The following FAM186A variants were observed in gnomAD, a reference collection of about 807,000 sequenced individuals.
The protein encoded by FAM186A is protein FAM186A.
A neutral mutation model predicts 216.8 loss-of-function variants in FAM186A; 163 were observed. The observed-to-expected ratio is 0.75, with a 90% CI of 0.66 to 0.86. FAM186A has a LOEUF of 0.86. Among genes scored for constraint, FAM186A ranks in the 40% least tolerant of loss-of-function variants. The pLI is 0.00. For synonymous variants in FAM186A, 805 were observed against 1,025.3 expected (o/e 0.79, Z 4.10); for missense variants, 2,184 against 2,746.2 (o/e 0.80, Z 4.58).
intron 3 of FAM186A, among the ~76,000 whole-genome samples, chr12:50,358,580 CAAAAA>C (rs1263456610): frequency 6.7e-6 from 1 of 150,338 alleles, no homozygotes; most frequent in Non-Finnish European, 1.5e-5. Flanking sequence ...AAAATCCTGT[CAAAAA>C]CAAAACAAAA....
At chr12:50,393,528 C>T (rs1237238290) in intron 1 of FAM186A, among the ~76,000 whole-genome samples, 1 of 148,902 alleles carries the variant, frequency 6.7e-6, no homozygotes, top group African/African-American at 2.5e-5. Flanking sequence ...GGTGTCAGAG[C>T]GAGACTCCAT....
chr12:50,350,638 T>TA lies in FAM186A; in HGVS notation c.6193dup (p.Tyr2065LeufsTer37). On this transcript the variant is annotated frameshift_variant, in exon 4 of 8. Transcript: ENST00000327337. LOFTEE classifies it high-confidence loss of function. ...TATAGGAGGGAATCGGGATTTCTGG[T>TA]ACCATTCCAAAGGTGAAATCTGTGA... 1 of 1,551,644 alleles carries TA rather than the reference T, an allele frequency of 6.4e-7. No homozygotes were observed. Among genetic ancestry groups the TA allele is most frequent in the Non-Finnish European group, 8.7e-7 (1 of 1,146,970 alleles).
chr12:50,339,533 C>T (rs1029540050), intron 4 of FAM186A, among the ~76,000 whole-genome samples: 2 of 152,142 alleles, frequency 1.3e-5, no homozygotes, highest in African/African-American at 4.8e-5. Context: ...CTTTACTCTT[C>T]TTAAATCTGT....
At chr12:50,373,021 AAGAAAGAAAG>A (rs1246269333) in intron 1 of FAM186A, among the ~76,000 whole-genome samples, 3 of 144,618 alleles carry the variant, frequency 2.1e-5, no homozygotes, top group African/African-American at 5.1e-5. Flanking sequence ...GAAAGAAAGA[AAGAAAGAAAG>A]AAAGAAAGAA....
chr12:50,372,075 G>A (rs920450234), intron 1 of FAM186A, among the ~76,000 whole-genome samples: 1 of 151,976 alleles, frequency 6.6e-6, no homozygotes, highest in African/African-American at 2.4e-5. Context: ...GCCTCCCAAA[G>A]TGCTGGGATT....
intron 1 of FAM186A, among the ~76,000 whole-genome samples, chr12:50,367,955 G>C (rs1943106364): frequency 6.6e-6 from 1 of 152,264 alleles, no homozygotes; most frequent in Admixed American, 6.5e-5. Flanking sequence ...AGACCAGCCT[G>C]GCCAACATGG....
chr12:50,351,745 G>A lies in FAM186A; in HGVS notation c.5087C>T (p.Ala1696Val). ...GGTGAGGGGCGATCCCAAGGTATGG[G>A]CTTTATCTAAGGTGAGAGGAACCCC... Reference protein sequence around the residue: ...KLGVPLTLDKAHTLGSPLTLK... With the variant: ...KLGVPLTLDKVHTLGSPLTLK... Residue 1696 changes from alanine (A) to valine (V), a missense_variant, in exon 4 of 8, where the codon GCC becomes GTC. Transcript: ENST00000327337. 1 of 1,551,438 alleles carries A rather than the reference G, an allele frequency of 6.4e-7. No individual in the cohort carries two copies. Among genetic ancestry groups the A allele is most frequent in the Non-Finnish European group, 8.7e-7 (1 of 1,146,836 alleles).
intron 1 of FAM186A, among the ~76,000 whole-genome samples, chr12:50,386,986 A>G (rs1291638104): frequency 1.3e-5 from 2 of 152,084 alleles, no homozygotes; most frequent in Non-Finnish European, 2.9e-5. Flanking sequence ...ACAGTTATCA[A>G]CTTATTAACA....
At chr12:50,348,825 T>A (rs1942847198) in intron 4 of FAM186A, among the ~76,000 whole-genome samples, 1 of 152,156 alleles carries the variant, frequency 6.6e-6, no homozygotes, top group Non-Finnish European at 1.5e-5. Flanking sequence ...CAAAGTACTG[T>A]GATTACAGAT....
In FAM186A at chr12:50,354,711, T is replaced by G; in HGVS notation, c.2121A>C (p.Glu707Asp). ...PKEEELLKRAEAEKLGIIKAK... is the reference protein window; with the variant it reads ...PKEEELLKRADAEKLGIIKAK... ...CCTTTATGATTCCTAATTTTTCAGC[T>G]TCTGCTCTTTTTAATAACTCCTCTT... The change falls in exon 4 of 8, where the codon GAA (glutamate) becomes GAC (aspartate). Residue 707 changes from glutamate to aspartate, a missense_variant. Glu to Asp is a conservative substitution (Grantham distance 45). Coordinates refer to ENST00000327337, the MANE Select transcript of FAM186A (RefSeq NM_001145475.3). The G allele has an allele frequency of 6.5e-7, 1 of 1,548,890 alleles. No individual in the cohort carries two copies. Among genetic ancestry groups the G allele is most frequent in the Non-Finnish European group, 8.7e-7 (1 of 1,146,580 alleles).
intron 4 of FAM186A, among the ~76,000 whole-genome samples, chr12:50,347,824 T>G (rs916756535): frequency 1.3e-5 from 2 of 152,138 alleles, no homozygotes; most frequent in African/African-American, 4.8e-5. Flanking sequence ...GCCTGCTGCC[T>G]CCAGGTCACC....
Position 50,353,852 on chromosome 12 carries a change from G to T in FAM186A, c.2980C>A (p.Gln994Lys). Residue 994 changes from glutamine (Q) to lysine (K), a missense_variant, in exon 4 of 8, where the codon CAA (glutamine) becomes AAA (lysine). This residue lies in a region of FAM186A where 1,132 missense variants were observed against 1,263.4 expected (regional missense o/e 0.90). Transcript: ENST00000327337. ...ACCATTTTTTCTAGCTCTTTAGGTT[G>T]TGTTTCCTTCATCTGCATCTGATCC... ...TKDQMQMKET[Q>K]PKELEKMVIQ... The T allele has an allele frequency of 6.4e-7, 1 of 1,551,684 alleles. No homozygotes were observed. The highest frequency in any genetic ancestry group is 8.7e-7 in the Non-Finnish European group (1 of 1,146,978).
At position 50,330,753 on chromosome 12, in the gene FAM186A, T is replaced by A; in HGVS notation, c.6854A>T (p.Gln2285Leu). 6.6e-7 allele frequency: 1 copy of A among 1,516,218 alleles called. No homozygotes were observed. Among genetic ancestry groups the A allele is most frequent in the African/African-American group, 1.4e-5 (1 of 70,878 alleles). The allele number at this position is 1,516,218 out of a possible 1,614,324, so 93.9% of individuals were successfully genotyped here. Residue 2285 changes from glutamine to leucine, a missense_variant, in exon 7 of 8, where the codon CAA (glutamine) becomes CTA (leucine). Coordinates refer to ENST00000327337, the MANE Select transcript of FAM186A (RefSeq NM_001145475.3). Reference protein sequence around the residue: ...TSDICKKFRQQEDQTEAIWNV... With the variant: ...TSDICKKFRQLEDQTEAIWNV... ...CCAGATGGCCTCTGTCTGGTCCTCT[T>A]GTTGCCTACAGAATCAGCATAAATT...
At chr12:50,381,548 A>G (rs538846567) in intron 1 of FAM186A, among the ~76,000 whole-genome samples, 8 of 152,276 alleles carry the variant, frequency 5.3e-5, no homozygotes, top group African/African-American at 1.9e-4. Context: ...TGTCTCAAAA[A>G]AAAATTGATT....
In FAM186A at chr12:50,363,151, C is replaced by T; in HGVS notation, c.406G>A (p.Glu136Lys). Residue 136 changes from glutamate (E) to lysine (K), a missense_variant, in exon 2 of 8, where the codon GAA becomes AAA. This residue lies in a region of FAM186A where 1,132 missense variants were observed against 1,263.4 expected (regional missense o/e 0.90). Coordinates refer to ENST00000327337, the MANE Select transcript of FAM186A (RefSeq NM_001145475.3). ...TLANILAWLE[E>K]WNDVLSEMTL... ...ACCGCTTCTGTAAACTTACTCCATTCTTCCAACCAGGCCAGAATGTTGGCA... is the reference window on the plus strand; with the variant it reads ...ACCGCTTCTGTAAACTTACTCCATTTTTCCAACCAGGCCAGAATGTTGGCA... The T allele has an allele frequency of 6.5e-7, 1 of 1,546,050 alleles. No homozygotes were observed. The highest frequency in any genetic ancestry group is 1.2e-5 in the South Asian group (1 of 83,158).
At position 50,327,325 on chromosome 12, in the gene FAM186A, G is replaced by A. The variant is rs1942615125; in HGVS notation, c.*58C>T. On this transcript the variant is annotated 3_prime_UTR_variant, in exon 8 of 8. Transcript: ENST00000327337. The stretch of plus-strand genomic sequence containing the variant: ...ATACGCATGAAAGAGAACAAAATAG[G>A]CATTTTACTGAAAGATACTGAAATG... 7.3e-7 allele frequency: 1 copy of A among 1,361,856 alleles called. No homozygotes were observed. The highest frequency in any genetic ancestry group is 1.4e-5 in the African/African-American group (1 of 69,076). The allele number at this position is 1,361,856 out of a possible 1,614,324, so 84.4% of individuals were successfully genotyped here.
At chr12:50,347,639 T>A (rs561484998) in intron 4 of FAM186A, among the ~76,000 whole-genome samples, 102 of 149,400 alleles carry the variant, frequency 6.8e-4, no homozygotes, top group Non-Finnish European at 1.2e-3. Context: ...GGCAGGAGAA[T>A]CGCTTGAACC....
rs372151415 is a variant in FAM186A at position 50,356,121 on chromosome 12, G to A, written c.711C>T (p.Ile237=). The A allele has an allele frequency of 3.9e-6, 6 of 1,551,406 alleles. No homozygotes were observed. The African/African-American group carries it at 8.2e-5, about 21-fold the overall frequency. ...CTATGAGTTCCTGTAGCATACCTTG[G>A]ATTTCTGAAACCTTTGTATTTGTTG... ...QLATNTKVSE[I]QGMLQELIGT... The change falls in exon 4 of 8, where the codon ATC becomes ATT. Residue 237 remains isoleucine, a synonymous_variant. Transcript: ENST00000327337.
chr12:50,394,039 C>T (rs1277897628), intron 1 of FAM186A, among the ~76,000 whole-genome samples: 1 of 152,040 alleles, frequency 6.6e-6, no homozygotes, highest in Admixed American at 6.5e-5. Flanking sequence ...TTGCCTCAGC[C>T]TCCTGAGTAG....
Sources: gnomAD v4.1 joint callset for allele counts (sites outside exome capture counted in the v4.1 genomes callset) on GRCh38, gnomAD v4.1.1 for gene constraint, gnomAD v4.1.1 regional missense constraint, MANE v1.5 for transcripts, NCBI Gene and HGNC (gene_info 2026-07-23, HGNC 2026-07-21) for gene names.